TBL1XR1: variants seen among roughly 807,000 people sequenced by gnomAD.
TBL1XR1 encodes F-box-like/WD repeat-containing protein TBL1XR1.
A neutral mutation model predicts 66.9 loss-of-function variants in TBL1XR1; 5 were observed. The ratio of observed to expected loss-of-function variants is 0.07; its 90% CI spans 0.04 to 0.16. TBL1XR1 has a LOEUF of 0.16. TBL1XR1 is among the 10% of genes least tolerant of loss of function. The pLI, the probability that TBL1XR1 is intolerant of heterozygous loss-of-function variation, is 1.00. For synonymous variants in TBL1XR1, 210 were observed against 206.0 expected (o/e 1.02, Z -0.17); for missense variants, 238 against 623.2 (o/e 0.38, Z 6.58).
chr3:177,112,094 TATATATATATA>T (rs1452606088), intron 1 of TBL1XR1, among the ~76,000 whole-genome samples: 2 of 49,060 alleles, frequency 4.1e-5, no homozygotes, highest in African/African-American at 1.4e-4. Context: ...TATATATATA[TATATATATATA>T]TATTTTTTTT....
intron 3 of TBL1XR1, among the ~76,000 whole-genome samples, chr3:177,056,678 C>G (rs1423416183): frequency 6.6e-6 from 1 of 152,086 alleles, no homozygotes; most frequent in Admixed American, 6.5e-5. Flanking sequence ...CTTCCCCTCC[C>G]TAAAACTACT....
chr3:177,026,096 T>C, intron 15 of TBL1XR1: 1 of 432,056 alleles, frequency 2.3e-6, no homozygotes, highest in East Asian at 4.8e-5. Flanking sequence ...CTTCTCAGAA[T>C]GTTCCTCTGG....
intron 6 of TBL1XR1, 56 bp downstream of exon 6, chr3:177,050,422 T>G: frequency 6.3e-7 from 1 of 1,588,386 alleles, no homozygotes; most frequent in Admixed American, 1.8e-5. Flanking sequence ...CATATGTTTA[T>G]AAAATGTTCA....
intron 10 of TBL1XR1, among the ~76,000 whole-genome samples, chr3:177,040,186 A>G (rs1715386268): frequency 6.6e-6 from 1 of 152,044 alleles, no homozygotes; most frequent in African/African-American, 2.4e-5. Context: ...GTAGTGGTCC[A>G]TGCCTATAGT....
chr3:177,199,610 C>T (rs111328008), upstream of TBL1XR1, among the ~76,000 whole-genome samples: 3 of 151,946 alleles, frequency 2.0e-5, no homozygotes, highest in Admixed American at 6.5e-5. Flanking sequence ...ATTCTTAAAG[C>T]GTCATATTCA....
chr3:177,050,171 A>C (rs1206391127), intron 6 of TBL1XR1, 33 bp from the exon 7 acceptor site: 14 of 1,605,986 alleles, frequency 8.7e-6, no homozygotes, highest in African/African-American at 1.3e-5. Context: ...TTAGATCCTC[A>C]TGACATTCTC....
At chr3:177,111,685 C>G (rs1181945837) in intron 1 of TBL1XR1, among the ~76,000 whole-genome samples, 1 of 152,136 alleles carries the variant, frequency 6.6e-6, no homozygotes, top group Non-Finnish European at 1.5e-5. Context: ...ATGCATCACA[C>G]CTTCCCAAAC....
At chr3:177,100,967 T>C (rs1465230612) in intron 1 of TBL1XR1, among the ~76,000 whole-genome samples, 1 of 151,964 alleles carries the variant, frequency 6.6e-6, no homozygotes, top group Non-Finnish European at 1.5e-5. Context: ...GTGATTCTCC[T>C]GCCTCAGCCT....
chr3:177,116,519 C>A (rs1358263052), intron 1 of TBL1XR1, among the ~76,000 whole-genome samples: 3 of 152,192 alleles, frequency 2.0e-5, no homozygotes, highest in Non-Finnish European at 4.4e-5. Flanking sequence ...ATCCTACTAA[C>A]CATTGTGGAT....
intron 1 of TBL1XR1, among the ~76,000 whole-genome samples, chr3:177,103,902 G>A (rs527759154): frequency 3.0e-4 from 45 of 152,220 alleles, no homozygotes; most frequent in Non-Finnish European, 4.3e-4. Flanking sequence ...GATCACTTGA[G>A]GTCAGAAGGT....
intron 1 of TBL1XR1, among the ~76,000 whole-genome samples, chr3:177,177,049 C>T (rs7426956): frequency 0.61 from 92,366 of 151,994 alleles, 28,355 homozygotes; most frequent in East Asian, 0.75. Flanking sequence ...GGTCTGGTTC[C>T]GGTTGCTCCT....
rs992476645 is a variant in TBL1XR1, at chr3:177,189,917, T to A, written c.-122+7204A>T. Among the ~76,000 whole-genome samples, 3 of 152,002 alleles carry A rather than the reference T, an allele frequency of 2.0e-5. No individual in the cohort carries two copies. In the South Asian group the frequency reaches 6.2e-4, roughly 31 times the overall value. On this transcript the variant is annotated intron_variant, in intron 1 of 15. Coordinates refer to ENST00000457928, the MANE Select transcript of TBL1XR1 (RefSeq NM_024665.7). ...AAAACAGTGAGATCTAAAAACACTA[T>A]CTTAACTTAGGTACACTACTAAGGA...
intron 1 of TBL1XR1, among the ~76,000 whole-genome samples, chr3:177,107,658 G>C (rs1434464529): frequency 6.6e-6 from 1 of 152,096 alleles, no homozygotes; most frequent in Non-Finnish European, 1.5e-5. Context: ...CCCATTCAAG[G>C]AGCCACTTCT....
intron 1 of TBL1XR1, among the ~76,000 whole-genome samples, chr3:177,112,107 A>ATATATATATATATATATATTTTTTTT: frequency 2.7e-5 from 1 of 37,648 alleles, no homozygotes; most frequent in Non-Finnish European, 4.5e-5. Flanking sequence ...ATATATATAT[A>ATATATATATATATATATATTTTTTTT]TTTTTTTTTT....
At chr3:177,142,435 G>C (rs1030376436) in intron 1 of TBL1XR1, among the ~76,000 whole-genome samples, 3 of 152,108 alleles carry the variant, frequency 2.0e-5, no homozygotes, top group East Asian at 3.9e-4. Context: ...TCACGGAAAG[G>C]GACAGAAACT....
intron 15 of TBL1XR1, 42 bp downstream of exon 15, chr3:177,026,331 T>C (rs1451179383): frequency 2.0e-6 from 3 of 1,476,178 alleles, no homozygotes; most frequent in Non-Finnish European, 2.8e-6. Context: ...CTGATGTGAA[T>C]ACCCACCCAC....
chr3:177,130,143 T>TAAAA (rs1577253836), intron 1 of TBL1XR1, among the ~76,000 whole-genome samples: 1 of 38,414 alleles, frequency 2.6e-5, no homozygotes, highest in Non-Finnish European at 5.8e-5. Context: ...AGACTCCATC[T>TAAAA]CAAAAAAAAA....
chr3:177,151,351 C>A (rs1273059232), intron 1 of TBL1XR1, among the ~76,000 whole-genome samples: 1 of 152,222 alleles, frequency 6.6e-6, no homozygotes, highest in African/African-American at 2.4e-5. Flanking sequence ...GGGTCCCCAA[C>A]CCCCGGCTGC....
At chr3:177,154,036 A>C (rs1170750042) in intron 1 of TBL1XR1, among the ~76,000 whole-genome samples, 1 of 151,994 alleles carries the variant, frequency 6.6e-6, no homozygotes, top group Admixed American at 6.6e-5. Flanking sequence ...AAAAACAAAT[A>C]TGGTATAAAT....
Sources: allele counts gnomAD v4.1 joint callset (sites outside exome capture counted in the v4.1 genomes callset), GRCh38; gene constraint gnomAD v4.1.1; transcripts MANE v1.5; gene names NCBI Gene and HGNC (gene_info 2026-07-23, HGNC 2026-07-21).